Variants in NSMAF observed in about 807,000 individuals in gnomAD.
The protein encoded by NSMAF is protein FAN.
In NSMAF, 90 loss-of-function variants were observed where a neutral mutation model predicts 134.9. That is an observed-to-expected ratio of 0.67 (90% CI 0.56 to 0.79). The LOEUF (loss-of-function observed/expected upper bound fraction) is 0.79. Among genes scored for constraint, NSMAF ranks in the 30% least tolerant of loss-of-function variants. The pLI, the probability that NSMAF is intolerant of heterozygous loss-of-function variation, is 0.00. For synonymous variants in NSMAF, 358 were observed against 389.6 expected, an observed-to-expected ratio of 0.92 and a Z score of 0.96; for missense variants, 1,010 against 1,119.0, an observed-to-expected ratio of 0.90 and a Z score of 1.39.
intron 1 of NSMAF, among the ~76,000 whole-genome samples, chr8:58,656,721 T>C (rs1260296751): frequency 6.6e-6 from 1 of 151,936 alleles, no homozygotes; most frequent in East Asian, 1.9e-4. Flanking sequence ...TCCCAGCTAC[T>C]TGGGAGGCTG....
intron 6 of NSMAF, among the ~76,000 whole-genome samples, chr8:58,626,450 G>A (rs1468462429): frequency 6.6e-6 from 1 of 152,120 alleles, no homozygotes; most frequent in Non-Finnish European, 1.5e-5. Context: ...ACTTATAAGT[G>A]AGAACATACA....
At chr8:58,641,642 T>C (rs1807341096) in intron 2 of NSMAF, among the ~76,000 whole-genome samples, 1 of 152,222 alleles carries the variant, frequency 6.6e-6, no homozygotes, top group Non-Finnish European at 1.5e-5. Flanking sequence ...TATCAGTCAG[T>C]TCAGTCAGTC....
At chr8:58,598,710 T>TC (rs1232675625) in intron 19 of NSMAF, among the ~76,000 whole-genome samples, 2 of 152,040 alleles carry the variant, frequency 1.3e-5, no homozygotes, top group Non-Finnish European at 2.9e-5. Flanking sequence ...AAGTCCTCCC[T>TC]CCTTGTCAGT....
At position 58,635,353 on chromosome 8, in the gene NSMAF, A is replaced by G. The variant is rs752045226; in HGVS notation, c.248T>C (p.Ile83Thr). ...PIIKIPLRDC[I>T]KIGKHGENGA... ...ATTTTCTCCATGCTTTCCTATTTTT[A>G]TACAGTCTCTCAAAGGAATCTGGAT... The change falls in exon 4 of 31, where the codon ATA becomes ACA. Residue 83 changes from isoleucine (I) to threonine (T), a missense_variant. Physicochemically the swap from Ile to Thr is moderately conservative, Grantham distance 89. Transcript: ENST00000038176. 4.4e-6 allele frequency: 7 copies of G among 1,607,920 alleles called. No individual in the cohort carries two copies. The highest frequency in any genetic ancestry group is 1.3e-5 in the African/African-American group (1 of 74,518).
In NSMAF at chr8:58,659,772, C is replaced by A. The variant is rs1807822226; in HGVS notation, c.-141G>T. On this transcript the variant is annotated 5_prime_UTR_variant, in exon 1 of 31. Coordinates refer to ENST00000038176, the MANE Select transcript of NSMAF (RefSeq NM_003580.4). ...TGCCGGCCTGGCTTCCCCTGCGGCG[C>A]CGCTGGGCGGCCGAGAGCCCGACGC... is the stretch of plus-strand genomic sequence containing the variant. 7.4e-6 allele frequency: 4 copies of A among 544,148 alleles called. No homozygotes were observed. Among genetic ancestry groups the A allele is most frequent in the Non-Finnish European group, 1.1e-5 (4 of 375,080 alleles). 33.7% of individuals were successfully genotyped at this position (544,148 alleles called of 1,614,324 possible).
intron 14 of NSMAF, 51 bp downstream of exon 14, chr8:58,602,007 G>T: frequency 2.1e-6 from 3 of 1,409,084 alleles, no homozygotes; most frequent in Non-Finnish European, 3.0e-6. Flanking sequence ...AAAAACACAG[G>T]CCATGGCTTC....
intron 9 of NSMAF, among the ~76,000 whole-genome samples, chr8:58,621,079 G>A (rs537816778): frequency 5.9e-4 from 90 of 151,710 alleles, no homozygotes; most frequent in African/African-American, 2.0e-3. Flanking sequence ...GCAGTTTTTC[G>A]ATCCTCACCC....
intron 9 of NSMAF, among the ~76,000 whole-genome samples, chr8:58,614,262 T>A (rs1038880060): frequency 3.3e-5 from 5 of 152,214 alleles, no homozygotes; most frequent in African/African-American, 4.8e-5. Context: ...GATAATATTA[T>A]CTAATGTGCT....
In NSMAF at chr8:58,643,921, G is replaced by T. The variant is rs534185461; in HGVS notation, c.60-848C>A. Among the ~76,000 whole-genome samples, 27 of 152,290 alleles carry T rather than the reference G, an allele frequency of 1.8e-4. No individual in the cohort carries two copies. The South Asian group carries it at 5.2e-3, about 29-fold the overall frequency. On this transcript the variant is annotated intron_variant, in intron 1 of 30. Coordinates refer to ENST00000038176, the MANE Select transcript of NSMAF (RefSeq NM_003580.4). Reference sequence around the variant, plus strand: ...GTAAAATGAGTAAACCAAACTGAATGGGATTGAAATATAGTTCTTTTTAAA... The same window carrying T: ...GTAAAATGAGTAAACCAAACTGAATTGGATTGAAATATAGTTCTTTTTAAA...
chr8:58,618,658 TAAAG>T (rs1466736810), intron 9 of NSMAF, among the ~76,000 whole-genome samples: 1 of 152,078 alleles, frequency 6.6e-6, no homozygotes, highest in Non-Finnish European at 1.5e-5. Flanking sequence ...AGGCATGACT[TAAAG>T]AAAATTTGGC....
intron 2 of NSMAF, among the ~76,000 whole-genome samples, chr8:58,639,359 A>C (rs2129146872): frequency 6.6e-6 from 1 of 152,296 alleles, no homozygotes; most frequent in East Asian, 1.9e-4. Flanking sequence ...AAAGATCCTC[A>C]GCAGCCTTAA....
chr8:58,612,013 C>T (rs1315363149), intron 9 of NSMAF, among the ~76,000 whole-genome samples: 5 of 152,244 alleles, frequency 3.3e-5, no homozygotes, highest in African/African-American at 4.8e-5. Context: ...TGTAATTTCC[C>T]GAGTGACAGA....
chr8:58,611,654 TAAC>T (rs1417520246), intron 9 of NSMAF, among the ~76,000 whole-genome samples: 1 of 151,948 alleles, frequency 6.6e-6, no homozygotes, highest in Non-Finnish European at 1.5e-5. Flanking sequence ...TAAACAATCT[TAAC>T]AACAGACTGG....
chr8:58,587,852 T>C, intron 26 of NSMAF, 151 bp from the exon 27 acceptor site: 5 of 651,310 alleles, frequency 7.7e-6, no homozygotes, highest in Non-Finnish European at 1.3e-5. Flanking sequence ...CTCCTCCCTA[T>C]GCCTGCACTT....
intron 30 of NSMAF, 27 bp from the exon 31 acceptor site, chr8:58,584,227 A>G (rs1330512099): frequency 1.9e-6 from 3 of 1,577,530 alleles, no homozygotes; most frequent in Non-Finnish European, 2.6e-6. Flanking sequence ...TTGGTTAGTT[A>G]GGAAGTTGAC....
rs367822655 is a variant in NSMAF at position 58,594,326 on chromosome 8, T to A, written c.1893-36A>T. On this transcript the variant is annotated intron_variant, in intron 22 of 30. Transcript: ENST00000038176. ...ACAAAGTTTCACAAATTACTACTCA[T>A]CATGTGTTAGGATACCCTCTTTGTT... The A allele has an allele frequency of 9.5e-6, 15 of 1,572,976 alleles. No homozygotes were observed. In the African/African-American group the frequency reaches 1.9e-4, roughly 20 times the overall value.
Position 58,603,222 on chromosome 8 carries a change from T to G in NSMAF, c.1033A>C (p.Ser345Arg). 6.2e-7 allele frequency: 1 copy of G among 1,614,188 alleles called. No homozygotes were observed. The highest frequency in any genetic ancestry group is 8.5e-7 in the Non-Finnish European group (1 of 1,180,012). Reference sequence around the variant, plus strand: ...GTGTGGCAGTTACCTAGTTCTGAGCTGGAATAATCATGTATTATCCATGGA... The same window carrying G: ...GTGTGGCAGTTACCTAGTTCTGAGCGGGAATAATCATGTATTATCCATGGA... Reference protein sequence around the residue: ...VFPWIIHDYSSSELDLSNPGT... With the variant: ...VFPWIIHDYSRSELDLSNPGT... Residue 345 changes from serine (S) to arginine (R), a missense_variant, in exon 13 of 31, where the codon AGC (serine) becomes CGC (arginine). Physicochemically the swap from Ser to Arg is moderately radical, Grantham distance 110. Transcript: ENST00000038176.
intron 1 of NSMAF, among the ~76,000 whole-genome samples, chr8:58,645,974 G>C (rs1013061858): frequency 6.6e-6 from 1 of 152,178 alleles, no homozygotes; most frequent in East Asian, 1.9e-4. Context: ...CTGGGAAGTA[G>C]AGGTTGCAGT....
intron 26 of NSMAF, among the ~76,000 whole-genome samples, chr8:58,589,207 T>C (rs1022804462): frequency 6.8e-6 from 1 of 147,808 alleles, no homozygotes; most frequent in Admixed American, 6.8e-5. Context: ...AGATATTATA[T>C]TTTAAATATA....
Sources: allele counts gnomAD v4.1 joint callset (sites outside exome capture counted in the v4.1 genomes callset), GRCh38; gene constraint gnomAD v4.1.1; transcripts MANE v1.5; gene names NCBI Gene and HGNC (gene_info 2026-07-23, HGNC 2026-07-21).